PYM1: variants seen among roughly 807,000 people sequenced by gnomAD.
The protein encoded by PYM1 is PYM1 exon junction complex associated factor, also known as partner of Y14 and mago.
A neutral mutation model predicts 20.7 loss-of-function variants in PYM1; 7 were observed. That is an observed-to-expected ratio of 0.34 (90% confidence interval 0.19 to 0.64). The LOEUF (loss-of-function observed/expected upper bound fraction) is 0.64. PYM1 is among the 30% of genes least tolerant of loss of function. PYM1 has a pLI of 0.74. For missense variants in PYM1, 194 were observed against 250.0 expected (o/e 0.78, Z 1.51); for synonymous variants, 100 against 99.2 (o/e 1.01, Z -0.05).
At chr12:55,907,952 T>A (rs150776527) in intron 1 of PYM1, among the ~76,000 whole-genome samples, 6,127 of 135,942 alleles carry the variant, frequency 0.045, 411 homozygotes, top group African/African-American at 0.16. Context: ...AAATAAAAAA[T>A]AAAAAATAAG....
chr12:55,926,391 T>A (rs1167324974), intron 1 of PYM1, among the ~76,000 whole-genome samples: 1 of 152,172 alleles, frequency 6.6e-6, no homozygotes, highest in African/African-American at 2.4e-5. Context: ...TGGGTTTTAT[T>A]CACTTGTCAA....
chr12:55,913,988 C>T (rs1882966076), intron 1 of PYM1: 1 of 265,410 alleles, frequency 3.8e-6, no homozygotes, highest in African/African-American at 2.2e-5. Flanking sequence ...AATTATCACT[C>T]TTGAATTTGG....
At chr12:55,905,879 G>A (rs1377072767) in intron 1 of PYM1, among the ~76,000 whole-genome samples, 1 of 104,964 alleles carries the variant, frequency 9.5e-6, no homozygotes, top group African/African-American at 3.6e-5. Flanking sequence ...ATATCTATTA[G>A]ATATATATAT....
intron 1 of PYM1, among the ~76,000 whole-genome samples, chr12:55,904,507 A>C (rs759633454): frequency 2.6e-4 from 40 of 151,226 alleles, no homozygotes; most frequent in Non-Finnish European, 7.4e-5. Context: ...GAGGCAGGCA[A>C]ATCACTTGAA....
At chr12:55,908,016 G>A (rs368725292) in intron 1 of PYM1, among the ~76,000 whole-genome samples, 2 of 141,154 alleles carry the variant, frequency 1.4e-5, no homozygotes, top group East Asian at 4.3e-4. Context: ...GGCTGAGGTG[G>A]GCGGATTACT....
intron 1 of PYM1, among the ~76,000 whole-genome samples, chr12:55,916,539 T>C (rs1031748079): frequency 6.6e-6 from 1 of 152,030 alleles, no homozygotes; most frequent in Non-Finnish European, 1.5e-5. Flanking sequence ...GACTCACGCC[T>C]GTAATCCCAG....
intron 1 of PYM1, among the ~76,000 whole-genome samples, chr12:55,916,123 T>TC (rs1883002536): frequency 2.6e-5 from 4 of 152,060 alleles, no homozygotes; most frequent in African/African-American, 7.2e-5. Flanking sequence ...TCACCTGAGG[T>TC]CAGGAGTTCG....
At chr12:55,914,991 G>C (rs1882981235) in intron 1 of PYM1, among the ~76,000 whole-genome samples, 2 of 151,954 alleles carry the variant, frequency 1.3e-5, no homozygotes, top group Admixed American at 6.6e-5. Context: ...CGAGGTGGGT[G>C]GATCACGAGG....
At chr12:55,927,628 G>A (rs1883219436) in intron 1 of PYM1, 97 bp downstream of exon 1, 58 of 1,465,186 alleles carry the variant, frequency 4.0e-5, no homozygotes, top group Non-Finnish European at 5.3e-5. Context: ...AGGTGGGGAG[G>A]TCGAATTCGT....
chr12:55,926,867 G>A (rs903957763), intron 1 of PYM1, among the ~76,000 whole-genome samples: 1 of 152,202 alleles, frequency 6.6e-6, no homozygotes, highest in African/African-American at 2.4e-5. Flanking sequence ...AAGGACCCCA[G>A]GGTTTGGGTG....
intron 1 of PYM1, among the ~76,000 whole-genome samples, chr12:55,913,009 A>G (rs944409581): frequency 6.6e-6 from 1 of 152,022 alleles, no homozygotes; most frequent in Admixed American, 6.6e-5. Context: ...ACAAATCTCA[A>G]CCTGACCCAT....
intron 1 of PYM1, among the ~76,000 whole-genome samples, chr12:55,920,500 T>TG (rs1883079314): frequency 6.7e-6 from 1 of 149,176 alleles, no homozygotes; most frequent in East Asian, 2.0e-4. Flanking sequence ...TACCTGGGAG[T>TG]GGGGGTGCAT....
chr12:55,919,233 C>A (rs1334848175), intron 1 of PYM1, among the ~76,000 whole-genome samples: 2 of 152,150 alleles, frequency 1.3e-5, no homozygotes, highest in African/African-American at 4.8e-5. Flanking sequence ...CTGCAGTCTC[C>A]ACCTCCCAGG....
intron 1 of PYM1, among the ~76,000 whole-genome samples, chr12:55,923,689 CTG>C (rs1264409249): frequency 6.6e-6 from 1 of 151,772 alleles, no homozygotes; most frequent in East Asian, 1.9e-4. Flanking sequence ...AATGGGGAAA[CTG>C]AGTGTAGGGT....
chr12:55,927,401 A>C lies in PYM1; in HGVS notation c.37+324T>G, dbSNP rs1375912738. ...GGCACAGTCCCTCTCATCCCCAGGA[A>C]CTCCTCGTACGTCCAGGACCTGCGA... On this transcript the variant is annotated intron_variant, in intron 1 of 2. Coordinates refer to ENST00000408946, the MANE Select transcript of PYM1 (RefSeq NM_032345.3). The C allele has an allele frequency of 7.0e-6, 5 of 712,996 alleles. No homozygotes were observed. The East Asian group carries it at 8.0e-5, about 11-fold the overall frequency. The allele number at this position is 712,996 out of a possible 1,614,324, so 44.2% of individuals were successfully genotyped here.
intron 1 of PYM1, among the ~76,000 whole-genome samples, chr12:55,918,826 C>G (rs577121516): frequency 6.6e-6 from 1 of 152,332 alleles, no homozygotes; most frequent in East Asian, 1.9e-4. Context: ...CGAGATTGCA[C>G]CACTGCACTC....
At chr12:55,903,598 A>G in intron 1 of PYM1, 118 bp from the exon 2 acceptor site, 1 of 878,088 alleles carries the variant, frequency 1.1e-6, no homozygotes, top group Non-Finnish European at 1.8e-6. Context: ...AAATGCAACC[A>G]TTAGGCTCCT....
intron 1 of PYM1, among the ~76,000 whole-genome samples, chr12:55,905,420 G>T (rs967587708): frequency 6.6e-6 from 1 of 151,630 alleles, no homozygotes; most frequent in Non-Finnish European, 1.5e-5. Context: ...CAAAATTCTT[G>T]GCAGGGCACA....
chr12:55,915,965 T>C (rs1882998826), intron 1 of PYM1, among the ~76,000 whole-genome samples: 1 of 152,206 alleles, frequency 6.6e-6, no homozygotes, highest in Admixed American at 6.5e-5. Flanking sequence ...GAACTTTGTA[T>C]ACATCATCCT....
Sources: allele counts gnomAD v4.1 joint callset (sites outside exome capture counted in the v4.1 genomes callset), GRCh38; gene constraint gnomAD v4.1.1; transcripts MANE v1.5; gene names NCBI Gene and HGNC (gene_info 2026-07-23, HGNC 2026-07-21).